KIF3A: variants seen among roughly 807,000 people sequenced by gnomAD.
KIF3A encodes the protein kinesin-like protein KIF3A.
A neutral mutation model predicts 92.6 loss-of-function variants in KIF3A; 27 were observed. The observed-to-expected ratio is 0.29, with a 90% CI of 0.21 to 0.40. The LOEUF is 0.40. KIF3A is among the 10% of genes least tolerant of loss of function. The pLI, the probability that KIF3A is intolerant of heterozygous loss-of-function variation, is 1.00. For missense variants in KIF3A, 581 were observed against 872.6 expected (o/e 0.67, Z 4.21); for synonymous variants, 250 against 275.4 (o/e 0.91, Z 0.92).
chr5:132,728,932 A>G (rs1754131724), intron 2 of KIF3A, among the ~76,000 whole-genome samples: 1 of 152,070 alleles, frequency 6.6e-6, no homozygotes, highest in Non-Finnish European at 1.5e-5. Flanking sequence ...AAATTTTAAA[A>G]ATTAGCCAGG....
intron 5 of KIF3A, among the ~76,000 whole-genome samples, chr5:132,719,460 T>A (rs921920711): frequency 2.0e-5 from 3 of 152,294 alleles, no homozygotes; most frequent in African/African-American, 2.4e-5. Flanking sequence ...CTTATAAAAA[T>A]TTTTCATTTC....
rs78683393 is a variant in KIF3A, at chr5:132,696,376, T to C, written c.*258A>G. On this transcript the variant is annotated 3_prime_UTR_variant, in exon 19 of 19. Transcript: ENST00000403231. ...CTGTAACTCTCTATAGTATGAACTG[T>C]TCCCCCAACTTCCCTGCACAGTACA... 1.0e-4 allele frequency: 35 copies of C among 333,374 alleles called. No individual in the cohort carries two copies. Among genetic ancestry groups the C allele is most frequent in the African/African-American group, 7.1e-4 (34 of 47,620 alleles). 20.7% of individuals were successfully genotyped at this position (333,374 alleles called of 1,614,324 possible).
chr5:132,696,692 G>T lies in KIF3A; in HGVS notation c.2133-10C>A, dbSNP rs1421088484. 1 of 1,604,006 alleles carries T rather than the reference G, an allele frequency of 6.2e-7. No individual in the cohort carries two copies. Among genetic ancestry groups the T allele is most frequent in the Non-Finnish European group, 8.5e-7 (1 of 1,171,440 alleles). On this transcript the variant is annotated splice_polypyrimidine_tract_variant and intron_variant, in intron 18 of 18. Coordinates refer to ENST00000403231, the MANE Select transcript of KIF3A (RefSeq NM_001300791.2). ...CTTTGCAGAACGCTTTCTGTTTGGAGAAGAAAAAAAGCAATCATGAATGCT... is the reference window on the plus strand; with the variant it reads ...CTTTGCAGAACGCTTTCTGTTTGGATAAGAAAAAAAGCAATCATGAATGCT...
chr5:132,703,764 A>T, intron 11 of KIF3A, 145 bp from the exon 12 acceptor site: 1 of 588,966 alleles, frequency 1.7e-6, no homozygotes, highest in Non-Finnish European at 2.9e-6. Context: ...CAAACCAATA[A>T]TATCATGCAT....
In KIF3A at chr5:132,716,979, C is replaced by T; in HGVS notation, c.622G>A (p.Val208Ile). 6.2e-7 allele frequency: 1 copy of T among 1,612,020 alleles called. No homozygotes were observed. The highest frequency in any genetic ancestry group is 8.5e-7 in the Non-Finnish European group (1 of 1,179,278). The stretch of plus-strand genomic sequence containing the variant: ...TGTTCGTTCATATTAGTTGCACCAA[C>T]AGAACCTTTAATAAATAAACGAAAT... ...IMTLGHKNRSVGATNMNEHSS... is the reference protein window; with the variant it reads ...IMTLGHKNRSIGATNMNEHSS... Residue 208 changes from valine (V) to isoleucine (I), a missense_variant, in exon 6 of 19, where the codon GTT (valine) becomes ATT (isoleucine). Physicochemically the swap from Val to Ile is conservative, Grantham distance 29. Coordinates refer to ENST00000403231, the MANE Select transcript of KIF3A (RefSeq NM_001300791.2).
At chr5:132,731,416 C>A (rs1359826687) in intron 2 of KIF3A, among the ~76,000 whole-genome samples, 1 of 151,936 alleles carries the variant, frequency 6.6e-6, no homozygotes, top group Non-Finnish European at 1.5e-5. Flanking sequence ...TCAATAGGTG[C>A]AGAAAAAAAA....
intron 4 of KIF3A, among the ~76,000 whole-genome samples, chr5:132,724,822 T>C (rs1256533978): frequency 6.6e-5 from 1 of 15,116 alleles, no homozygotes; most frequent in Non-Finnish European, 3.8e-4. Context: ...TATATATATA[T>C]ATATATATAT....
chr5:132,690,605 T>C (rs902160525), downstream of KIF3A, among the ~76,000 whole-genome samples: 1 of 152,160 alleles, frequency 6.6e-6, no homozygotes, highest in East Asian at 1.9e-4. Context: ...ACGATATATC[T>C]CATAATATAA....
intron 1 of KIF3A, among the ~76,000 whole-genome samples, chr5:132,737,089 C>T (rs1247107080): frequency 6.6e-6 from 1 of 152,378 alleles, no homozygotes; most frequent in South Asian, 2.1e-4. Context: ...GTGGCCACCC[C>T]CAGACGCCCC....
chr5:132,706,532 A>G, intron 10 of KIF3A, 73 bp from the exon 11 acceptor site: 1 of 1,243,090 alleles, frequency 8.0e-7, no homozygotes. Flanking sequence ...AAAAAAAGGA[A>G]AACATTATTT....
At chr5:132,703,693 A>C (rs533312624) in intron 11 of KIF3A, 74 bp from the exon 12 acceptor site, 1 of 1,043,506 alleles carries the variant, frequency 9.6e-7, no homozygotes, top group East Asian at 2.5e-5. Flanking sequence ...TACCTCCTTC[A>C]ATATAGAAAT....
Position 132,696,194 on chromosome 5 carries a change from A to G in KIF3A, c.*440T>C, listed in dbSNP as rs1157187748. The G allele has an allele frequency of 6.5e-6, 1 of 153,366 alleles. No homozygotes were observed. The allele number at this position is 153,366 out of a possible 1,614,324, so 9.5% of individuals were successfully genotyped here. A position where few individuals can be genotyped will look rare whatever the true frequency, so the allele number is the denominator to read the frequency against. On this transcript the variant is annotated 3_prime_UTR_variant, in exon 19 of 19. Coordinates refer to ENST00000403231, the MANE Select transcript of KIF3A (RefSeq NM_001300791.2). ...GAATCATTCTTTAGATGTACAGTCC[A>G]AACATTCATATATAACAGCGCAACA...
intron 5 of KIF3A, among the ~76,000 whole-genome samples, chr5:132,718,033 G>A (rs1430492094): frequency 6.6e-6 from 1 of 151,966 alleles, no homozygotes; most frequent in African/African-American, 2.4e-5. Flanking sequence ...AGCATAAAGT[G>A]AAAGCTCCTG....
intron 1 of KIF3A, 141 bp downstream of exon 1, chr5:132,737,273 A>C: frequency 1.1e-6 from 1 of 942,082 alleles, no homozygotes; most frequent in Non-Finnish European, 1.5e-6. Flanking sequence ...CAGGCTCTCC[A>C]ACCACCTCCA....
At chr5:132,727,866 T>C (rs1754087362) in intron 2 of KIF3A, among the ~76,000 whole-genome samples, 1 of 152,218 alleles carries the variant, frequency 6.6e-6, no homozygotes, top group South Asian at 2.1e-4. Flanking sequence ...GTTCCTCAAC[T>C]AATACTACTC....
At chr5:132,704,415 T>C (rs2149896578) in intron 11 of KIF3A, among the ~76,000 whole-genome samples, 1 of 152,092 alleles carries the variant, frequency 6.6e-6, no homozygotes, top group South Asian at 2.1e-4. Flanking sequence ...GTAGAAATAC[T>C]ACCAAATAAT....
intron 9 of KIF3A, 124 bp downstream of exon 9, chr5:132,710,835 T>C (rs1264652560): frequency 1.5e-6 from 2 of 1,313,722 alleles, no homozygotes; most frequent in Non-Finnish European, 2.1e-6. Context: ...GTAAATGGCA[T>C]ACATCTTCTG....
chr5:132,732,353 A>G (rs964610381), intron 2 of KIF3A, among the ~76,000 whole-genome samples: 2 of 152,220 alleles, frequency 1.3e-5, no homozygotes, highest in African/African-American at 4.8e-5. Flanking sequence ...TCACACAAAA[A>G]TCTGTAAAAG....
chr5:132,713,889 C>CTTTTT (rs34191042), intron 8 of KIF3A, among the ~76,000 whole-genome samples: 2,651 of 83,406 alleles, frequency 0.032, 9 homozygotes, highest in Middle Eastern at 0.053. Context: ...ATTTCACTTT[C>CTTTTT]TTTTTTTTTT....
Sources: allele counts gnomAD v4.1 joint callset (sites outside exome capture counted in the v4.1 genomes callset), GRCh38; gene constraint gnomAD v4.1.1; transcripts MANE v1.5; gene names NCBI Gene and HGNC (gene_info 2026-07-23, HGNC 2026-07-21).